Variants in KCNAB2 observed in about 807,000 individuals in gnomAD.
KCNAB2 encodes potassium voltage-gated channel subfamily A regulatory beta subunit 2, also known as voltage-gated potassium channel subunit beta-2.
In KCNAB2, 29 loss-of-function variants were observed where a neutral mutation model predicts 63.6. The observed-to-expected ratio is 0.46, with a 90% CI of 0.34 to 0.62. KCNAB2 has a LOEUF of 0.62. KCNAB2 is among the 20% of genes least tolerant of loss of function. The pLI is 0.01. For synonymous variants in KCNAB2, 222 were observed against 224.2 expected, an observed-to-expected ratio of 0.99 and a Z score of 0.09; for missense variants, 359 against 563.9, an observed-to-expected ratio of 0.64 and a Z score of 3.68.
In KCNAB2 at chr1:5,994,671, G is replaced by A. The variant is rs1461291389; in HGVS notation, c.-53+1883G>A. Among the ~76,000 whole-genome samples, 1 of 152,180 alleles carries A rather than the reference G, an allele frequency of 6.6e-6. No individual in the cohort carries two copies. Among genetic ancestry groups the A allele is most frequent in the East Asian group, 1.9e-4 (1 of 5,196 alleles). The stretch of plus-strand genomic sequence containing the variant: ...TGTTTCTTGGTTGAGAACCGTCTTG[G>A]GTCTGGATTTGGAGCCTGGATGGGA... On this transcript the variant is annotated intron_variant, in intron 1 of 16. Transcript: ENST00000341524. This position sits in a 1 kb window ranked among gnomAD's most constrained non-coding sequence, Gnocchi z 5.4.
intron 1 of KCNAB2, among the ~76,000 whole-genome samples, chr1:6,001,628 G>A (rs1570816732): frequency 6.6e-6 from 1 of 152,158 alleles, no homozygotes; most frequent in East Asian, 1.9e-4. Context: ...GGCACCTCAG[G>A]TCAGGGGACG....
chr1:6,050,425 C>T (rs1661287808), intron 1 of KCNAB2, among the ~76,000 whole-genome samples: 1 of 152,362 alleles, frequency 6.6e-6, no homozygotes, highest in Middle Eastern at 3.4e-3. Flanking sequence ...GTCCTCATTG[C>T]GCTGTCACAG....
intron 1 of KCNAB2, among the ~76,000 whole-genome samples, chr1:6,050,461 C>T (rs1167231895): frequency 1.3e-5 from 2 of 152,238 alleles, no homozygotes; most frequent in African/African-American, 2.4e-5. Flanking sequence ...GACTCAGCCC[C>T]GAGGCTGCCC....
chr1:6,089,108 G>C, intron 8 of KCNAB2, 57 bp downstream of exon 8: 2 of 1,510,956 alleles, frequency 1.3e-6, no homozygotes, highest in Non-Finnish European at 1.8e-6. Context: ...ATCCTCGGAG[G>C]CCAAAGTGAT....
chr1:6,020,643 C>G (rs991018781), intron 1 of KCNAB2, among the ~76,000 whole-genome samples: 1 of 152,130 alleles, frequency 6.6e-6, no homozygotes, highest in Non-Finnish European at 1.5e-5. Flanking sequence ...ACCGTATCTA[C>G]CACATTTTTA....
In KCNAB2 at chr1:6,074,520, T is replaced by C. The variant is rs1156400727; in HGVS notation, c.300+750T>C. 2.0e-5 allele frequency among the ~76,000 whole-genome samples: 3 copies of C among 152,200 alleles called. No individual in the cohort carries two copies. Among genetic ancestry groups the C allele is most frequent in the African/African-American group, 7.2e-5 (3 of 41,446 alleles). ...AAGCAGTTTTCACATTTATCCTACT[T>C]AGCACTAGAAAGGTTGCGTTTAAAA... On this transcript the variant is annotated intron_variant, in intron 4 of 15. Transcript: ENST00000378083. The surrounding 1 kb of genome is among the most constrained non-coding windows in gnomAD (Gnocchi z 4.9).
chr1:6,006,737 T>C (rs140139333), intron 1 of KCNAB2, among the ~76,000 whole-genome samples: 1,237 of 75,940 alleles, frequency 0.016, 33 homozygotes, highest in African/African-American at 0.061. Flanking sequence ...GCTCCCACAT[T>C]CCCCTACTCC....
At chr1:6,021,999 TAGTTCGGTGGTATTGAGTGTAC>T (rs1472651896) in intron 1 of KCNAB2, among the ~76,000 whole-genome samples, 54 of 151,004 alleles carry the variant, frequency 3.6e-4, no homozygotes, top group Admixed American at 2.8e-3. Flanking sequence ...TACGAGTGTA[TAGTTCGGTGGTATTGAGTGTAC>T]AGTTCAGTGG....
intron 1 of KCNAB2, among the ~76,000 whole-genome samples, chr1:6,039,655 A>T (rs1660334868): frequency 6.6e-6 from 1 of 152,190 alleles, no homozygotes; most frequent in African/African-American, 2.4e-5. Context: ...CCTGAGCTGC[A>T]GTCGAGGTTC....
intron 2 of KCNAB2, among the ~76,000 whole-genome samples, chr1:6,053,391 G>T (rs754052727): frequency 1.3e-5 from 2 of 152,178 alleles, no homozygotes; most frequent in African/African-American, 2.4e-5. Flanking sequence ...GGTGTGGGGG[G>T]CAGAGAAGCA....
intron 5 of KCNAB2, among the ~76,000 whole-genome samples, chr1:6,084,009 A>G (rs141479345): frequency 9.3e-4 from 142 of 152,322 alleles, no homozygotes; most frequent in African/African-American, 3.3e-3. Flanking sequence ...GAATAAAAGG[A>G]AGAGGCCTAG....
intron 1 of KCNAB2, among the ~76,000 whole-genome samples, chr1:6,011,712 C>A (rs916272698): frequency 5.3e-5 from 8 of 152,200 alleles, no homozygotes; most frequent in Non-Finnish European, 1.2e-4. Flanking sequence ...ATGGTCCAGG[C>A]AGGAGCTTCC....
chr1:6,066,411 G>A lies in KCNAB2; in HGVS notation c.219-6344G>A, dbSNP rs3789550. 1.1e-4 allele frequency among the ~76,000 whole-genome samples: 16 copies of A among 152,340 alleles called. No individual in the cohort carries two copies. In the East Asian group the frequency reaches 1.9e-3, roughly 18 times the overall value. On this transcript the variant is annotated intron_variant, in intron 2 of 15. Transcript: ENST00000378083. ...ACTTGGGCAGTTTGTGCTGAGGGCC[G>A]GGAGGGGCTGTGCTTAGTGCTTGGT... is the stretch of plus-strand genomic sequence containing the variant.
upstream of KCNAB2, among the ~76,000 whole-genome samples, chr1:6,030,740 G>T (rs185046886): frequency 1.3e-5 from 2 of 151,492 alleles, no homozygotes; most frequent in Non-Finnish European, 2.9e-5. Context: ...GTGTGTTTAT[G>T]TGTGTATATG....
intron 14 of KCNAB2, 64 bp from the exon 15 acceptor site, chr1:6,097,205 G>A (rs1665715697): frequency 6.7e-7 from 1 of 1,483,050 alleles, no homozygotes; most frequent in South Asian, 1.4e-5. Flanking sequence ...TCAGAGGCAA[G>A]GCAGACCCAT....
At chr1:6,050,852 G>A (rs978657622) in intron 1 of KCNAB2, among the ~76,000 whole-genome samples, 15 of 152,226 alleles carry the variant, frequency 9.9e-5, no homozygotes, top group African/African-American at 3.4e-4. Flanking sequence ...TTTGCAAAAA[G>A]CATGAAGCCC....
At chr1:6,088,968 A>T (rs1240177510) in intron 7 of KCNAB2, 40 bp from the exon 8 acceptor site, 1 of 1,544,086 alleles carries the variant, frequency 6.5e-7, no homozygotes, top group Admixed American at 2.0e-5. Context: ...AGGGTGCCAA[A>T]ACCGCTGGTG....
At position 6,087,602 on chromosome 1, in the gene KCNAB2, G is replaced by C. The variant is rs1343757645; in HGVS notation, c.470+91G>C. On this transcript the variant is annotated intron_variant, in intron 7 of 15. Transcript: ENST00000378083. This position sits in a 1 kb window ranked among gnomAD's most constrained non-coding sequence, Gnocchi z 6.4. ...GACCCCTGACCTAGAAGGCTCCTGG[G>C]GTGGCGGGAGGACAGTCCTCCTTGA... The C allele has an allele frequency of 7.4e-7, 1 of 1,359,782 alleles. No homozygotes were observed. Among genetic ancestry groups the C allele is most frequent in the Non-Finnish European group, 1.0e-6 (1 of 953,488 alleles). The allele number at this position is 1,359,782 out of a possible 1,614,324, so 84.2% of individuals were successfully genotyped here.
At chr1:6,041,653 A>C (rs1660507944), upstream of KCNAB2, 3 of 604,232 alleles carry the variant, frequency 5.0e-6, no homozygotes, top group South Asian at 3.9e-5. Context: ...GCTGCAGAGC[A>C]CTTGGCACCG....
Sources: allele counts gnomAD v4.1 joint callset (sites outside exome capture counted in the v4.1 genomes callset), GRCh38; gene constraint gnomAD v4.1.1; non-coding constraint Gnocchi (gnomAD v3.1); transcripts MANE v1.5; gene names NCBI Gene and HGNC (gene_info 2026-07-23, HGNC 2026-07-21).